The following MACROD2 variants were observed in gnomAD, a reference collection of about 807,000 sequenced individuals.
The protein encoded by MACROD2 is mono-ADP ribosylhydrolase 2.
A neutral mutation model predicts 70.4 loss-of-function variants in MACROD2; 36 were observed. The observed-to-expected ratio is 0.51, with a 90% CI of 0.39 to 0.68. The LOEUF (loss-of-function observed/expected upper bound fraction) is 0.68, where lower values mean the gene tolerates loss of function less well. Ranked by LOEUF, MACROD2 falls within the 30% of genes least tolerant of loss-of-function variation. The pLI is 0.00. For missense variants in MACROD2, 496 were observed against 538.4 expected (o/e 0.92, Z 0.78); for synonymous variants, 172 against 178.8 (o/e 0.96, Z 0.30).
chr20:14,125,644 A>G (rs1045085304), intron 3 of MACROD2, among the ~76,000 whole-genome samples: 2 of 152,180 alleles, frequency 1.3e-5, no homozygotes, highest in Admixed American at 1.3e-4. Flanking sequence ...TTTGTGAAAT[A>G]GGGTCATTTT....
At chr20:15,412,651 T>C (rs1255614811) in intron 6 of MACROD2, among the ~76,000 whole-genome samples, 5 of 152,176 alleles carry the variant, frequency 3.3e-5, no homozygotes, top group Non-Finnish European at 7.3e-5. Context: ...ATTTAAATTA[T>C]CGAGACTGTA....
intron 2 of MACROD2, among the ~76,000 whole-genome samples, chr20:14,081,059 T>C (rs2423770): frequency 0.22 from 34,206 of 152,206 alleles, 4,083 homozygotes; most frequent in African/African-American, 0.29. Flanking sequence ...ATTCTTGCAA[T>C]ACCTGCGTAG....
chr20:15,636,241 G>A (rs1268182067), intron 8 of MACROD2, among the ~76,000 whole-genome samples: 3 of 151,972 alleles, frequency 2.0e-5, no homozygotes, highest in Admixed American at 6.6e-5. Context: ...GGAGACTTTT[G>A]TATCCTCAAG....
chr20:15,198,341 A>C (rs2076625059), intron 5 of MACROD2, among the ~76,000 whole-genome samples: 2 of 152,118 alleles, frequency 1.3e-5, no homozygotes, highest in South Asian at 4.1e-4. Flanking sequence ...AAGTTAAGGT[A>C]GTTCTTAATT....
intron 3 of MACROD2, among the ~76,000 whole-genome samples, chr20:14,140,732 C>G (rs1270032575): frequency 6.6e-6 from 1 of 152,072 alleles, no homozygotes; most frequent in African/African-American, 2.4e-5. Context: ...GGCTGGTTTT[C>G]CTTTCATTGT....
At chr20:14,401,059 C>T (rs1247481229) in intron 3 of MACROD2, among the ~76,000 whole-genome samples, 1 of 152,100 alleles carries the variant, frequency 6.6e-6, no homozygotes, top group Non-Finnish European at 1.5e-5. Flanking sequence ...TAAACTCTTG[C>T]CTAATTCTAT....
At chr20:15,702,181 C>T (rs761941667) in intron 8 of MACROD2, among the ~76,000 whole-genome samples, 5 of 152,132 alleles carry the variant, frequency 3.3e-5, no homozygotes, top group East Asian at 1.9e-4. Flanking sequence ...GTATCTACCC[C>T]GTAATGGGAT....
intron 10 of MACROD2, among the ~76,000 whole-genome samples, chr20:15,886,535 T>C (rs1000002224): frequency 1.3e-5 from 2 of 152,184 alleles, no homozygotes; most frequent in East Asian, 3.8e-4. Flanking sequence ...AAAATATTGC[T>C]GTGGCCATCT....
Position 14,007,157 on chromosome 20 carries a change from A to T in MACROD2, c.163+4753A>T, listed in dbSNP as rs547379795. 4.5e-4 allele frequency among the ~76,000 whole-genome samples: 69 copies of T among 152,184 alleles called. 1 individual carries two copies. The South Asian group carries it at 9.1e-3, about 20-fold the overall frequency. ...TGCAAAATAGTGGTATGTGAATTTT[A>T]TCATTCCTTATTTATTTGTCAGACT... is the stretch of plus-strand genomic sequence containing the variant. On this transcript the variant is annotated intron_variant, in intron 2 of 17. Coordinates refer to ENST00000684519, the MANE Select transcript of MACROD2 (RefSeq NM_001351661.2).
At chr20:15,662,708 A>G (rs1236808729) in intron 8 of MACROD2, among the ~76,000 whole-genome samples, 1 of 114,216 alleles carries the variant, frequency 8.8e-6, no homozygotes, top group Admixed American at 1.0e-4. Context: ...GTACAAGCTC[A>G]GAGAGGGTTT....
intron 3 of MACROD2, among the ~76,000 whole-genome samples, chr20:14,145,036 T>G (rs2054927497): frequency 6.6e-6 from 1 of 152,196 alleles, no homozygotes; most frequent in Non-Finnish European, 1.5e-5. Context: ...ATCCTCTGGA[T>G]TTCCCCAATT....
rs545194062 is a variant in MACROD2 at position 15,801,059 on chromosome 20, C to T, written c.646-61686C>T. On this transcript the variant is annotated intron_variant, in intron 8 of 17. Coordinates refer to ENST00000684519, the MANE Select transcript of MACROD2 (RefSeq NM_001351661.2). ...CAGGGACACAAACACTGCGGAAGTC[C>T]GCAGGGTCCTCTGCCTAGGAAAACC... is the stretch of plus-strand genomic sequence containing the variant. Among the ~76,000 whole-genome samples the T allele has an allele frequency of 6.9e-4, 104 of 149,938 alleles. 1 individual carries two copies. The Middle Eastern group carries it at 0.01, about 15-fold the overall frequency.
intron 6 of MACROD2, among the ~76,000 whole-genome samples, chr20:15,424,127 C>T (rs966346228): frequency 1.3e-5 from 2 of 152,216 alleles, no homozygotes; most frequent in Non-Finnish European, 2.9e-5. Flanking sequence ...CTCCAAGCAC[C>T]ATCACAGTGG....
At chr20:14,132,338 A>G (rs991607542) in intron 3 of MACROD2, among the ~76,000 whole-genome samples, 5 of 151,616 alleles carry the variant, frequency 3.3e-5, no homozygotes, top group Admixed American at 3.3e-4. Flanking sequence ...ACGAGCCACC[A>G]TGCCAGACCC....
rs922891577 is a variant in MACROD2, at chr20:14,024,514, C to A, written c.163+22110C>A. ...TTTTGCCCATTCAGTATGATATTGG[C>A]TGTGGGTTTGTCATAAATAGCTCTT... On this transcript the variant is annotated intron_variant, in intron 2 of 17. Coordinates refer to ENST00000684519, the MANE Select transcript of MACROD2 (RefSeq NM_001351661.2). 2.6e-5 allele frequency among the ~76,000 whole-genome samples: 4 copies of A among 152,268 alleles called. No homozygotes were observed. In the East Asian group the frequency reaches 5.8e-4, roughly 22 times the overall value.
intron 7 of MACROD2, among the ~76,000 whole-genome samples, chr20:15,433,112 A>G (rs1288198493): frequency 1.3e-5 from 2 of 152,204 alleles, no homozygotes; most frequent in East Asian, 1.9e-4. Flanking sequence ...GAATGGGGAA[A>G]AGTTAAAAGC....
intron 8 of MACROD2, among the ~76,000 whole-genome samples, chr20:15,503,288 A>G (rs1165745064): frequency 6.6e-6 from 1 of 152,232 alleles, no homozygotes; most frequent in Non-Finnish European, 1.5e-5. Flanking sequence ...TTGCCATGCT[A>G]CAGATAGTTA....
chr20:15,676,232 A>G (rs776486284), intron 8 of MACROD2, among the ~76,000 whole-genome samples: 2 of 152,216 alleles, frequency 1.3e-5, no homozygotes, highest in Non-Finnish European at 2.9e-5. Flanking sequence ...CTGTAAAAAT[A>G]TGACACCACG....
intron 8 of MACROD2, among the ~76,000 whole-genome samples, chr20:15,782,156 T>TA (rs1413238669): frequency 1.3e-5 from 2 of 152,076 alleles, no homozygotes; most frequent in Non-Finnish European, 2.9e-5. Flanking sequence ...GCAACGGTGT[T>TA]AGAGATGAAG....
Sources: allele counts gnomAD v4.1 joint callset (sites outside exome capture counted in the v4.1 genomes callset), GRCh38; gene constraint gnomAD v4.1.1; transcripts MANE v1.5; gene names NCBI Gene and HGNC (gene_info 2026-07-23, HGNC 2026-07-21).